The following GALNT9 variants were observed in gnomAD, a reference collection of about 807,000 sequenced individuals.
The protein encoded by GALNT9 is GalNAc transferase 9.
In GALNT9, 47 loss-of-function variants were observed where a neutral mutation model predicts 63.1. The observed-to-expected ratio is 0.75, with a 90% confidence interval of 0.59 to 0.95. The LOEUF is 0.95. Among genes scored for constraint, GALNT9 ranks in the 40% least tolerant of loss-of-function variants. GALNT9 has a pLI of 0.00. For synonymous variants in GALNT9, 396 were observed against 365.7 expected, an observed-to-expected ratio of 1.08 and a Z score of -0.94; for missense variants, 829 against 874.8, an observed-to-expected ratio of 0.95 and a Z score of 0.66.
At chr12:132,312,240 T>C (rs1460752349) in intron 1 of GALNT9, among the ~76,000 whole-genome samples, 2 of 152,242 alleles carry the variant, frequency 1.3e-5, no homozygotes, top group African/African-American at 2.4e-5. Context: ...TCATACATAA[T>C]ACTTGTGTTC....
chr12:132,267,995 G>GCACA (rs1280754234), intron 2 of GALNT9, among the ~76,000 whole-genome samples: 1 of 137,388 alleles, frequency 7.3e-6, no homozygotes, highest in African/African-American at 2.8e-5. Flanking sequence ...TCACACACAT[G>GCACA]CACACACACA....
chr12:132,326,548 C>A (rs1224882112), intron 1 of GALNT9, among the ~76,000 whole-genome samples: 1 of 152,200 alleles, frequency 6.6e-6, no homozygotes, highest in Admixed American at 6.5e-5. Context: ...CCCCTCCCCA[C>A]CCCAGTGGCC....
chr12:132,236,651 G>A lies in GALNT9; in HGVS notation c.1077+11259C>T, dbSNP rs1363872894. On this transcript the variant is annotated intron_variant, in intron 6 of 10. Coordinates refer to ENST00000328957, the MANE Select transcript of GALNT9 (RefSeq NM_001122636.2). This position sits in a 1 kb window ranked among gnomAD's most constrained non-coding sequence, Gnocchi z 5.6. Reference sequence around the variant, plus strand: ...TCTGTACCTGGTTAAAATAATCAGCGAAAACCAAAGCCATCCCGAAGATCG... The same window carrying A: ...TCTGTACCTGGTTAAAATAATCAGCAAAAACCAAAGCCATCCCGAAGATCG... Among the ~76,000 whole-genome samples, 3 of 152,190 alleles carry A rather than the reference G, an allele frequency of 2.0e-5. No individual in the cohort carries two copies. Among genetic ancestry groups the A allele is most frequent in the Admixed American group, 2.0e-4 (3 of 15,296 alleles).
chr12:132,271,408 G>A (rs548045619), intron 2 of GALNT9, among the ~76,000 whole-genome samples: 18 of 152,258 alleles, frequency 1.2e-4, no homozygotes, highest in South Asian at 4.1e-4. Context: ...TTTCTTCCAG[G>A]TTTCTTTATC....
In GALNT9 at chr12:132,282,314, A is replaced by T. The variant is rs1555241739; in HGVS notation, c.419+3936T>A. ...AGGCCTGGGGTCCCACATCCCACAG[A>T]GGGGGAATCCAATGGGACCCCTGCA... On this transcript the variant is annotated intron_variant, in intron 2 of 10. Transcript: ENST00000328957. This position sits in a 1 kb window ranked among gnomAD's most constrained non-coding sequence, Gnocchi z 4.5. Among the ~76,000 whole-genome samples the T allele has an allele frequency of 2.0e-5, 3 of 152,386 alleles. No individual in the cohort carries two copies. Among genetic ancestry groups the T allele is most frequent in the Admixed American group, 1.3e-4 (2 of 15,310 alleles).
chr12:132,229,211 C>T (rs1877808023), intron 6 of GALNT9, among the ~76,000 whole-genome samples: 1 of 152,246 alleles, frequency 6.6e-6, no homozygotes, highest in Admixed American at 6.5e-5. Context: ...GGTGGCCGCT[C>T]CGTGCACCGT....
chr12:132,319,191 A>T lies in GALNT9; in HGVS notation c.238+9775T>A, dbSNP rs1052415018. On this transcript the variant is annotated intron_variant, in intron 1 of 10. Transcript: ENST00000328957. The surrounding 1 kb of genome is among the most constrained non-coding windows in gnomAD (Gnocchi z 5.2). Reference sequence around the variant, plus strand: ...GGGCCTTGGATGCCCAGGTGGCTGGAAGTATTGCTTCCAGGTGCGTCTGTG... The same window carrying T: ...GGGCCTTGGATGCCCAGGTGGCTGGTAGTATTGCTTCCAGGTGCGTCTGTG... Among the ~76,000 whole-genome samples, 1 of 152,088 alleles carries T rather than the reference A, an allele frequency of 6.6e-6. No homozygotes were observed. Among genetic ancestry groups the T allele is most frequent in the Admixed American group, 6.6e-5 (1 of 15,266 alleles).
intron 1 of GALNT9, among the ~76,000 whole-genome samples, chr12:132,293,934 C>G (rs1880956318): frequency 6.6e-6 from 1 of 152,244 alleles, no homozygotes; most frequent in African/African-American, 2.4e-5. Flanking sequence ...ACAGTCGGAG[C>G]TGGAACGAGA....
At chr12:132,199,091 G>T in intron 9 of GALNT9, 83 bp downstream of exon 9, 5 of 895,766 alleles carry the variant, frequency 5.6e-6, no homozygotes, top group East Asian at 2.5e-5. Flanking sequence ...GGCTGGACCC[G>T]TGCCTCTGCC....
intron 6 of GALNT9, among the ~76,000 whole-genome samples, chr12:132,229,010 G>A (rs971873057): frequency 3.3e-5 from 5 of 152,162 alleles, no homozygotes; most frequent in Admixed American, 3.3e-4. Flanking sequence ...AGACACGGGT[G>A]CACAGGAGCC....
chr12:132,304,229 C>T lies in GALNT9; in HGVS notation c.239-17799G>A, dbSNP rs554375903. On this transcript the variant is annotated intron_variant, in intron 1 of 10. Transcript: ENST00000328957. Reference sequence around the variant, plus strand: ...CGCCCTCACCTGGGCACATCCTCACCGGGGCACACCCTCACCCAGACACAC... The same window carrying T: ...CGCCCTCACCTGGGCACATCCTCACTGGGGCACACCCTCACCCAGACACAC... 2.6e-4 allele frequency among the ~76,000 whole-genome samples: 12 copies of T among 45,422 alleles called. 4 individuals are homozygous for T. The highest frequency in any genetic ancestry group is 2.5e-3 in the South Asian group (2 of 788). 29.8% of individuals were successfully genotyped at this position (45,422 alleles called of 152,430 possible).
intron 1 of GALNT9, among the ~76,000 whole-genome samples, chr12:132,306,975 C>G (rs1274580422): frequency 6.6e-6 from 1 of 152,066 alleles, no homozygotes; most frequent in Non-Finnish European, 1.5e-5. Flanking sequence ...GGCGGGGAAT[C>G]TGATTTCCAT....
chr12:132,328,519 G>A (rs1385319539), intron 1 of GALNT9, among the ~76,000 whole-genome samples: 5 of 152,174 alleles, frequency 3.3e-5, no homozygotes, highest in Non-Finnish European at 7.4e-5. Context: ...TGCACCAGCA[G>A]CCTCCCAAGT....
intron 6 of GALNT9, among the ~76,000 whole-genome samples, chr12:132,223,023 A>C (rs1877526486): frequency 1.5e-5 from 1 of 65,366 alleles, no homozygotes; most frequent in Non-Finnish European, 3.0e-5. Context: ...CACACCCTAC[A>C]CAACCCGTAC....
chr12:132,275,218 A>G (rs1555241090), intron 2 of GALNT9: 1 of 152,300 alleles, frequency 6.6e-6, no homozygotes, highest in Admixed American at 6.5e-5. Flanking sequence ...TCCTTCCCAT[A>G]AAACATGGGG....
At chr12:132,257,654 C>A in intron 5 of GALNT9, 35 bp downstream of exon 5, 1 of 1,499,930 alleles carries the variant, frequency 6.7e-7, no homozygotes, top group Non-Finnish European at 9.0e-7. Flanking sequence ...CCTTGCCGGG[C>A]AGGGCCGCCC....
chr12:132,281,573 A>G (rs1215171628), intron 2 of GALNT9, among the ~76,000 whole-genome samples: 1 of 152,212 alleles, frequency 6.6e-6, no homozygotes, highest in Non-Finnish European at 1.5e-5. Context: ...CTGGGTTTCT[A>G]TCAGTGAGGG....
rs1051161114 is a variant in GALNT9 at position 132,230,911 on chromosome 12, T to A, written c.1077+16999A>T. Among the ~76,000 whole-genome samples the A allele has an allele frequency of 6.9e-3, 1,055 of 152,358 alleles. 9 individuals are homozygous for A. Among genetic ancestry groups the A allele is most frequent in the Non-Finnish European group, 0.011 (751 of 68,024 alleles). On this transcript the variant is annotated intron_variant, in intron 6 of 10. Transcript: ENST00000328957. ...TCCATTCGGGACGTCTTGGTGAGACTCTGCTGAGCCTCACACTCTTCTGGG... is the reference window on the plus strand; with the variant it reads ...TCCATTCGGGACGTCTTGGTGAGACACTGCTGAGCCTCACACTCTTCTGGG...
Position 132,196,835 on chromosome 12 carries a change from A to C in GALNT9, c.*272T>G. On this transcript the variant is annotated 3_prime_UTR_variant, in exon 11 of 11. Transcript: ENST00000328957. ...GCTGTCCCAGCAGCCTGGCCAGGAG[A>C]TACCGTGGAGAAGGCACGTGTTTGA... 7.9e-7 allele frequency: 1 copy of C among 1,260,692 alleles called. No homozygotes were observed. 78.1% of individuals were successfully genotyped at this position (1,260,692 alleles called of 1,614,324 possible).
Sources: gnomAD v4.1 joint callset for allele counts (sites outside exome capture counted in the v4.1 genomes callset) on GRCh38, gnomAD v4.1.1 for gene constraint, Gnocchi (gnomAD v3.1) non-coding constraint, MANE v1.5 for transcripts, NCBI Gene and HGNC (gene_info 2026-07-23, HGNC 2026-07-21) for gene names.